Variants in SYT1 observed in about 807,000 individuals in gnomAD.
SYT1 encodes the protein synaptotagmin 1.
A neutral mutation model predicts 44.8 loss-of-function variants in SYT1; 8 were observed. That is an observed-to-expected ratio of 0.18 (90% CI 0.10 to 0.32). SYT1 has a LOEUF of 0.32. Among genes scored for constraint, SYT1 ranks in the 10% least tolerant of loss-of-function variants. SYT1 has a pLI of 1.00. For synonymous variants in SYT1, 154 were observed against 188.8 expected (o/e 0.82, Z 1.51); for missense variants, 286 against 509.3 (o/e 0.56, Z 4.22).
intron 2 of SYT1, among the ~76,000 whole-genome samples, chr12:79,031,459 G>A (rs1027325603): frequency 2.0e-5 from 3 of 151,018 alleles, no homozygotes; most frequent in African/African-American, 7.3e-5. Flanking sequence ...ACACAGAAAC[G>A]ACCTCTCAGG....
At chr12:78,939,922 C>T (rs1878261689) in intron 1 of SYT1, among the ~76,000 whole-genome samples, 1 of 152,166 alleles carries the variant, frequency 6.6e-6, no homozygotes. Context: ...CCTGTCTTAT[C>T]TTAAAAGTTT....
At chr12:79,271,585 C>T (rs1394266558) in intron 4 of SYT1, among the ~76,000 whole-genome samples, 2 of 152,170 alleles carry the variant, frequency 1.3e-5, no homozygotes, top group African/African-American at 4.8e-5. Context: ...ATCCTTAGCA[C>T]TGTATCCCAA....
At chr12:78,934,840 C>T (rs1171824136) in intron 1 of SYT1, among the ~76,000 whole-genome samples, 4 of 152,220 alleles carry the variant, frequency 2.6e-5, no homozygotes, top group South Asian at 2.1e-4. Context: ...GATGGCTGCA[C>T]GGCCTCCACA....
chr12:79,331,851 A>T (rs1275354529), intron 8 of SYT1, among the ~76,000 whole-genome samples: 1 of 152,172 alleles, frequency 6.6e-6, no homozygotes, highest in African/African-American at 2.4e-5. Context: ...GTCATAAAAA[A>T]TGATAAAAGT....
rs551388689 is a variant in SYT1 at position 79,222,292 on chromosome 12, A to T, written c.166+4607A>T. On this transcript the variant is annotated intron_variant, in intron 4 of 10. Transcript: ENST00000261205. ...GGTAGTCTTATTTGGAATGAATTTAATTGGAGACCTTTGATTTTTCTGTAT... is the reference window on the plus strand; with the variant it reads ...GGTAGTCTTATTTGGAATGAATTTATTTGGAGACCTTTGATTTTTCTGTAT... Among the ~76,000 whole-genome samples the T allele has an allele frequency of 7.9e-5, 12 of 151,994 alleles. 1 individual carries two copies. Among genetic ancestry groups the T allele is most frequent in the African/African-American group, 2.9e-4 (12 of 41,464 alleles).
At chr12:79,302,108 CTT>C (rs1193625811) in intron 8 of SYT1, among the ~76,000 whole-genome samples, 2 of 152,096 alleles carry the variant, frequency 1.3e-5, no homozygotes, top group African/African-American at 4.8e-5. Context: ...CTTAGATTGA[CTT>C]TAGTTTTATG....
At chr12:78,903,471 G>C (rs1187461613) in intron 1 of SYT1, among the ~76,000 whole-genome samples, 1 of 151,856 alleles carries the variant, frequency 6.6e-6, no homozygotes, top group East Asian at 1.9e-4. Flanking sequence ...AATTTTAGTA[G>C]AGATGGGTTT....
At chr12:79,106,530 T>A (rs1878729407) in intron 3 of SYT1, among the ~76,000 whole-genome samples, 1 of 148,262 alleles carries the variant, frequency 6.7e-6, no homozygotes, top group Admixed American at 6.8e-5. Context: ...ATAATGAAAA[T>A]GATGTAAAAA....
At chr12:79,022,360 T>C (rs1872249739) in intron 2 of SYT1, among the ~76,000 whole-genome samples, 1 of 151,804 alleles carries the variant, frequency 6.6e-6, no homozygotes, top group Non-Finnish European at 1.5e-5. Context: ...GCTCTCAAAG[T>C]ATGATCTGGG....
At chr12:79,369,806 A>G (rs1214689462) in intron 9 of SYT1, among the ~76,000 whole-genome samples, 1 of 152,104 alleles carries the variant, frequency 6.6e-6, no homozygotes, top group East Asian at 1.9e-4. Flanking sequence ...CTGTCACTTG[A>G]AATTTTGTTT....
intron 9 of SYT1, among the ~76,000 whole-genome samples, chr12:79,391,799 G>T (rs1477911690): frequency 6.6e-6 from 1 of 152,140 alleles, no homozygotes; most frequent in South Asian, 2.1e-4. Context: ...CTGATTTGTT[G>T]TGATCAGAAA....
At chr12:79,083,749 A>C (rs1053377753) in intron 3 of SYT1, among the ~76,000 whole-genome samples, 2 of 152,176 alleles carry the variant, frequency 1.3e-5, no homozygotes, top group Non-Finnish European at 2.9e-5. Context: ...CAACTTCAGC[A>C]AAATGATTGC....
chr12:79,229,312 G>A (rs892560747), intron 4 of SYT1, among the ~76,000 whole-genome samples: 5 of 152,188 alleles, frequency 3.3e-5, no homozygotes, highest in African/African-American at 9.7e-5. Context: ...TGCGGTTCTT[G>A]TGCCATGCTC....
chr12:79,002,933 TC>T (rs1870837792), intron 2 of SYT1, among the ~76,000 whole-genome samples: 1 of 152,046 alleles, frequency 6.6e-6, no homozygotes, highest in Non-Finnish European at 1.5e-5. Flanking sequence ...GCACCTTTCT[TC>T]CCTAAGGAGT....
chr12:79,310,427 G>C (rs1224147262), intron 8 of SYT1, among the ~76,000 whole-genome samples: 1 of 152,116 alleles, frequency 6.6e-6, no homozygotes, highest in African/African-American at 2.4e-5. Context: ...TAGCCTTGTA[G>C]TATAGTTTGA....
rs570639288 is a variant in SYT1 at position 79,296,943 on chromosome 12, C to T, written c.642+707C>T. 4.6e-5 allele frequency among the ~76,000 whole-genome samples: 7 copies of T among 152,122 alleles called. No individual in the cohort carries two copies. In the East Asian group the frequency reaches 7.7e-4, roughly 17 times the overall value. On this transcript the variant is annotated intron_variant, in intron 7 of 10. Coordinates refer to ENST00000261205, the MANE Select transcript of SYT1 (RefSeq NM_005639.3). ...CAATTCTTTTGGTGGATATCTTTAACGTGCGAAAAAAACTTTTTAATGCAT... is the reference window on the plus strand; with the variant it reads ...CAATTCTTTTGGTGGATATCTTTAATGTGCGAAAAAAACTTTTTAATGCAT...
At chr12:78,890,167 G>C (rs550604538) in intron 1 of SYT1, among the ~76,000 whole-genome samples, 4 of 151,918 alleles carry the variant, frequency 2.6e-5, no homozygotes, top group African/African-American at 9.6e-5. Context: ...GTACAATAAG[G>C]TGACTTGCCT....
chr12:79,432,188 C>CTT (rs1351147689), intron 9 of SYT1, among the ~76,000 whole-genome samples: 5 of 151,074 alleles, frequency 3.3e-5, no homozygotes, highest in Non-Finnish European at 5.9e-5. Flanking sequence ...TATTATAGAT[C>CTT]TTAAAAAAAT....
chr12:79,049,088 T>C (rs2137777540), intron 3 of SYT1, among the ~76,000 whole-genome samples: 1 of 152,064 alleles, frequency 6.6e-6, no homozygotes, highest in Admixed American at 6.6e-5. Context: ...CTTCACTCCC[T>C]CACAATTTCT....
Sources: gnomAD v4.1 joint callset for allele counts (sites outside exome capture counted in the v4.1 genomes callset) on GRCh38, gnomAD v4.1.1 for gene constraint, MANE v1.5 for transcripts, NCBI Gene and HGNC (gene_info 2026-07-23, HGNC 2026-07-21) for gene names.